The following KLF12 variants were observed in gnomAD, a reference collection of about 807,000 sequenced individuals.
KLF12 encodes KLF transcription factor 12, also known as Krueppel-like factor 12.
KLF12 carries 9 observed loss-of-function variants against 37.8 expected under a neutral mutation model. That is an observed-to-expected ratio of 0.24 (90% CI 0.14 to 0.42). KLF12 has a LOEUF of 0.42. Among genes scored for constraint, KLF12 ranks in the 10% least tolerant of loss-of-function variants. The probability of loss-of-function intolerance (pLI) is 1.00; values close to 1 mark genes in which losing one functional copy is unlikely to be tolerated. For missense variants in KLF12, 411 were observed against 516.0 expected (o/e 0.80, Z 1.97); for synonymous variants, 208 against 202.1 (o/e 1.03, Z -0.25).
At chr13:74,192,095 G>A in the KLF12 span, among the ~76,000 whole-genome samples, 1 of 151,920 alleles carries the variant, frequency 6.6e-6, no homozygotes, top group African/African-American at 2.4e-5. Context: ...AAACTGATGA[G>A]CTCTTTGAGA....
In KLF12 at chr13:73,693,481, G is replaced by C. The variant is rs1048293833; in HGVS notation, c.*2009C>G. 6.6e-6 allele frequency: 1 copy of C among 152,116 alleles called. No individual in the cohort carries two copies. Among genetic ancestry groups the C allele is most frequent in the Non-Finnish European group, 1.5e-5 (1 of 68,010 alleles). The allele number at this position is 152,116 out of a possible 1,614,324, so 9.4% of individuals were successfully genotyped here. A position where few individuals can be genotyped will look rare whatever the true frequency, so the allele number is the denominator to read the frequency against. On this transcript the variant is annotated 3_prime_UTR_variant, in exon 8 of 8. Transcript: ENST00000377669. ...GCACATATTTGTGAAGCCATAATTTGACCTGAAAATCATTACACTGTTGCT... is the reference window on the plus strand; with the variant it reads ...GCACATATTTGTGAAGCCATAATTTCACCTGAAAATCATTACACTGTTGCT...
chr13:73,727,900 T>C (rs1876780108), intron 6 of KLF12, among the ~76,000 whole-genome samples: 1 of 152,198 alleles, frequency 6.6e-6, no homozygotes, highest in Non-Finnish European at 1.5e-5. Context: ...TTTCACCATG[T>C]TGGCCAGGCT....
intron 1 of KLF12, among the ~76,000 whole-genome samples, chr13:74,059,377 T>C (rs1351857050): frequency 1.3e-5 from 2 of 152,248 alleles, no homozygotes; most frequent in Non-Finnish European, 2.9e-5. Context: ...TCCACAGGGG[T>C]TGAACTAGTT....
At chr13:74,103,272 T>G (rs1220858030) in intron 1 of KLF12, among the ~76,000 whole-genome samples, 3 of 152,232 alleles carry the variant, frequency 2.0e-5, no homozygotes, top group Non-Finnish European at 4.4e-5. Flanking sequence ...GTTGAAAAAT[T>G]TCCATAATTA....
At chr13:74,151,904 A>T in the KLF12 span, among the ~76,000 whole-genome samples, 2 of 152,220 alleles carry the variant, frequency 1.3e-5, no homozygotes, top group African/African-American at 2.4e-5. Flanking sequence ...TAATCTAATT[A>T]TTTGGCAACA....
intron 3 of KLF12, among the ~76,000 whole-genome samples, chr13:73,861,166 T>TC (rs1885906131): frequency 6.6e-6 from 1 of 152,222 alleles, no homozygotes; most frequent in South Asian, 2.1e-4. Flanking sequence ...TGCATTTTTT[T>TC]CTGTCAATCG....
the KLF12 span, among the ~76,000 whole-genome samples, chr13:74,199,232 T>C: frequency 4.6e-5 from 7 of 152,164 alleles, no homozygotes; most frequent in Middle Eastern, 3.4e-3. Flanking sequence ...TCCTGACATA[T>C]CCGAAACCAT....
intron 4 of KLF12, among the ~76,000 whole-genome samples, chr13:73,837,178 G>A (rs551096954): frequency 6.6e-6 from 1 of 152,186 alleles, no homozygotes; most frequent in East Asian, 1.9e-4. Flanking sequence ...ATGCAGGGAG[G>A]TGGGAGGAGC....
rs375311066 is a variant in KLF12 at position 73,765,050 on chromosome 13, T to C, written c.807-50A>G. The C allele has an allele frequency of 9.2e-5, 104 of 1,130,408 alleles. 1 individual carries two copies. Among genetic ancestry groups the C allele is most frequent in the South Asian group, 8.5e-4 (62 of 72,800 alleles). The allele number at this position is 1,130,408 out of a possible 1,614,324, so 70.0% of individuals were successfully genotyped here. A position where few individuals can be genotyped will look rare whatever the true frequency, so the allele number is the denominator to read the frequency against. On this transcript the variant is annotated intron_variant, in intron 5 of 7. Transcript: ENST00000377669. ...GTCATTGAAAAAGCATATTCCCAAT[T>C]GCAAATTTAAAAAAATGGCATGTTT...
At chr13:74,182,123 A>G in the KLF12 span, among the ~76,000 whole-genome samples, 1 of 152,246 alleles carries the variant, frequency 6.6e-6, no homozygotes, top group Non-Finnish European at 1.5e-5. Flanking sequence ...GATAAGTGTT[A>G]AAATTGTTCA....
At chr13:73,809,430 G>A (rs1246607768) in intron 5 of KLF12, among the ~76,000 whole-genome samples, 2 of 148,430 alleles carry the variant, frequency 1.3e-5, no homozygotes, top group Non-Finnish European at 3.0e-5. Context: ...ATTAATAAAG[G>A]ATAAACTAAC....
At chr13:73,862,581 T>G (rs551334730) in intron 3 of KLF12, among the ~76,000 whole-genome samples, 10 of 152,082 alleles carry the variant, frequency 6.6e-5, no homozygotes, top group East Asian at 2.0e-4. Flanking sequence ...GTCTCTTATT[T>G]TGTGCAATTT....
At chr13:73,708,963 A>G (rs762213460) in intron 7 of KLF12, among the ~76,000 whole-genome samples, 11 of 152,216 alleles carry the variant, frequency 7.2e-5, no homozygotes, top group Non-Finnish European at 1.6e-4. Context: ...TGCTGACAAT[A>G]ATGTGTATGT....
chr13:73,805,878 C>G (rs1227310196), intron 5 of KLF12, among the ~76,000 whole-genome samples: 1 of 151,998 alleles, frequency 6.6e-6, no homozygotes, highest in Non-Finnish European at 1.5e-5. Context: ...GATCTTGGCT[C>G]ACTGCAACCT....
At chr13:74,028,900 A>C (rs1893044458) in intron 1 of KLF12, among the ~76,000 whole-genome samples, 1 of 152,092 alleles carries the variant, frequency 6.6e-6, no homozygotes, top group African/African-American at 2.4e-5. Flanking sequence ...ATAGCAGTAA[A>C]AACATATGAT....
the KLF12 span, among the ~76,000 whole-genome samples, chr13:74,241,097 G>C: frequency 4.0e-5 from 6 of 151,824 alleles, no homozygotes; most frequent in African/African-American, 1.2e-4. Flanking sequence ...GGTCTTTGAT[G>C]ATGGTGATGT....
chr13:73,898,004 C>G (rs899892833), intron 3 of KLF12, among the ~76,000 whole-genome samples: 1 of 152,266 alleles, frequency 6.6e-6, no homozygotes, highest in Admixed American at 6.5e-5. Context: ...TCTGTTCATG[C>G]AGGGGTCCTT....
the KLF12 span, among the ~76,000 whole-genome samples, chr13:74,213,172 A>G: frequency 6.6e-6 from 1 of 152,200 alleles, no homozygotes; most frequent in African/African-American, 2.4e-5. Flanking sequence ...GTATACACAC[A>G]CACATAAATG....
the KLF12 span, among the ~76,000 whole-genome samples, chr13:74,177,681 A>T: frequency 1.3e-5 from 2 of 152,210 alleles, no homozygotes; most frequent in African/African-American, 4.8e-5. Flanking sequence ...TAAAAAGAAT[A>T]ATCAGAAGCC....
Sources: allele counts gnomAD v4.1 joint callset (sites outside exome capture counted in the v4.1 genomes callset), GRCh38; gene constraint gnomAD v4.1.1; transcripts MANE v1.5; gene names NCBI Gene and HGNC (gene_info 2026-07-23, HGNC 2026-07-21).